The following TMEM132D variants were observed in gnomAD, a reference collection of about 807,000 sequenced individuals.
The protein encoded by TMEM132D is mature OL transmembrane protein.
Under a neutral mutation model 62.3 loss-of-function variants are expected in TMEM132D, and 21 were observed. That is an observed-to-expected ratio of 0.34 (90% CI 0.24 to 0.49). TMEM132D has a LOEUF of 0.49. Among genes scored for constraint, TMEM132D ranks in the 20% least tolerant of loss-of-function variants. The pLI, the probability that TMEM132D is intolerant of heterozygous loss-of-function variation, is 0.99. For synonymous variants in TMEM132D, 621 were observed against 575.6 expected, an observed-to-expected ratio of 1.08 and a Z score of -1.13; for missense variants, 1,346 against 1,402.8, an observed-to-expected ratio of 0.96 and a Z score of 0.65.
rs545267297 is a variant in TMEM132D, at chr12:129,738,475, G to C, written c.80-37777C>G. Among the ~76,000 whole-genome samples, 96 of 152,352 alleles carry C rather than the reference G, an allele frequency of 6.3e-4. 1 individual carries two copies. Among genetic ancestry groups the C allele is most frequent in the Admixed American group, 1.9e-3 (29 of 15,304 alleles). On this transcript the variant is annotated intron_variant, in intron 1 of 8. Transcript: ENST00000422113. ...GTGTGAATGCAACAACATACAGCAA[G>C]TCTTTGATGTGTAGCCTGAGTAAAG...
In TMEM132D at chr12:129,073,883, T is replaced by G; in HGVS notation, c.3292A>C (p.Asn1098His). The G allele has an allele frequency of 1.0e-5, 16 of 1,533,326 alleles. No individual in the cohort carries two copies. The highest frequency in any genetic ancestry group is 1.4e-5 in the Non-Finnish European group (16 of 1,142,172). The allele number at this position is 1,533,326 out of a possible 1,614,324, so 95.0% of individuals were successfully genotyped here. ...GTCTGTGTGTGTCTGGCTTACACAT[T>G]TTCATGTAACCTCTCCATGTAGTTG... is the stretch of plus-strand genomic sequence containing the variant. The part of the protein sequence containing the change: ...LHNYMERLHE[N>H]V Residue 1098 changes from asparagine (N) to histidine (H), a missense_variant, in exon 9 of 9, where the codon AAT becomes CAT. Physicochemically the swap from Asn to His is moderately conservative, Grantham distance 68. Coordinates refer to ENST00000422113, the MANE Select transcript of TMEM132D (RefSeq NM_133448.3).
chr12:129,236,094 T>G (rs1442882352), intron 4 of TMEM132D, among the ~76,000 whole-genome samples: 3 of 149,298 alleles, frequency 2.0e-5, no homozygotes, highest in Non-Finnish European at 4.4e-5. Context: ...AATTTTATTA[T>G]GATGCTATTT....
At chr12:129,220,576 T>G (rs561836495) in intron 4 of TMEM132D, among the ~76,000 whole-genome samples, 64 of 152,350 alleles carry the variant, frequency 4.2e-4, no homozygotes, top group Middle Eastern at 3.4e-3. Context: ...CAACATTCCA[T>G]GGCCTCGTGT....
chr12:129,500,121 C>T (rs1169491926), intron 3 of TMEM132D, among the ~76,000 whole-genome samples: 1 of 143,924 alleles, frequency 6.9e-6, no homozygotes, highest in Non-Finnish European at 1.5e-5. Context: ...TCCCCCACTT[C>T]AGTCGATTAC....
chr12:129,568,201 CT>C (rs1330017186), intron 2 of TMEM132D, among the ~76,000 whole-genome samples: 1 of 152,166 alleles, frequency 6.6e-6, no homozygotes, highest in Non-Finnish European at 1.5e-5. Flanking sequence ...GTCCAGTCTC[CT>C]TAAAGCCACC....
rs575674042 is a variant in TMEM132D, at chr12:129,456,474, T to C, written c.1115+74585A>G. Among the ~76,000 whole-genome samples the C allele has an allele frequency of 2.0e-5, 3 of 152,302 alleles. No homozygotes were observed. In the South Asian group the frequency reaches 6.2e-4, roughly 32 times the overall value. ...GACCAACCCAAATATCTTCACTTCT[T>C]TCTTACCGCTGACTTCCCAGTGTCT... is the stretch of plus-strand genomic sequence containing the variant. On this transcript the variant is annotated intron_variant, in intron 3 of 8. Transcript: ENST00000422113.
intron 7 of TMEM132D, among the ~76,000 whole-genome samples, chr12:129,080,113 G>A (rs540253206): frequency 6.6e-6 from 1 of 152,304 alleles, no homozygotes; most frequent in East Asian, 1.9e-4. Flanking sequence ...GAGGTTGCAA[G>A]CTCTCATCTA....
chr12:129,888,269 A>C (rs1874807770), intron 1 of TMEM132D, among the ~76,000 whole-genome samples: 1 of 152,242 alleles, frequency 6.6e-6, no homozygotes, highest in Non-Finnish European at 1.5e-5. Context: ...TCATTTACAC[A>C]AACACCCAAA....
At chr12:129,346,065 T>A (rs1287346969) in intron 3 of TMEM132D, among the ~76,000 whole-genome samples, 1 of 152,124 alleles carries the variant, frequency 6.6e-6, no homozygotes, top group Non-Finnish European at 1.5e-5. Flanking sequence ...ATCCATCTGG[T>A]CCTGGGCTTT....
chr12:129,557,971 T>G (rs1310785232), intron 2 of TMEM132D, among the ~76,000 whole-genome samples: 1 of 152,206 alleles, frequency 6.6e-6, no homozygotes, highest in Non-Finnish European at 1.5e-5. Flanking sequence ...ATAAACTATA[T>G]ATTTTAAAGA....
At chr12:129,469,258 T>A (rs1874020216) in intron 3 of TMEM132D, among the ~76,000 whole-genome samples, 1 of 152,140 alleles carries the variant, frequency 6.6e-6, no homozygotes, top group Non-Finnish European at 1.5e-5. Flanking sequence ...TGTCTTCCAT[T>A]TTTGGTTTTC....
chr12:129,515,433 C>T (rs1005847784), intron 3 of TMEM132D, among the ~76,000 whole-genome samples: 1 of 152,096 alleles, frequency 6.6e-6, no homozygotes, highest in Non-Finnish European at 1.5e-5. Context: ...CATTTCAAAC[C>T]CTTCTGGCCT....
At chr12:129,855,178 G>A (rs1342743841) in intron 1 of TMEM132D, among the ~76,000 whole-genome samples, 2 of 98,674 alleles carry the variant, frequency 2.0e-5, no homozygotes, top group African/African-American at 8.0e-5. Flanking sequence ...AGAGTCCGGG[G>A]GAACGGGATG....
chr12:129,372,964 A>C (rs1164294320), intron 3 of TMEM132D, among the ~76,000 whole-genome samples: 1 of 152,060 alleles, frequency 6.6e-6, no homozygotes, highest in Non-Finnish European at 1.5e-5. Flanking sequence ...GTTCCTGGGG[A>C]CTGCTGCTTT....
intron 1 of TMEM132D, among the ~76,000 whole-genome samples, chr12:129,813,351 C>T (rs750328763): frequency 5.9e-5 from 9 of 151,766 alleles, no homozygotes; most frequent in Non-Finnish European, 1.3e-4. Flanking sequence ...CATCCAATTT[C>T]CCTGCTTAAC....
chr12:129,091,449 G>A (rs369683411), intron 5 of TMEM132D, among the ~76,000 whole-genome samples: 3 of 148,160 alleles, frequency 2.0e-5, no homozygotes, highest in Admixed American at 1.3e-4. Context: ...TGGGCTCTGG[G>A]GACCTTACCT....
At chr12:129,794,313 G>A (rs945803898) in intron 1 of TMEM132D, among the ~76,000 whole-genome samples, 2 of 144,420 alleles carry the variant, frequency 1.4e-5, no homozygotes, top group Admixed American at 7.3e-5. Context: ...TGTTGGCCAG[G>A]TTGGTCTCAA....
chr12:129,277,007 A>T lies in TMEM132D; in HGVS notation c.1299+60627T>A, dbSNP rs1054140422. 6.6e-6 allele frequency among the ~76,000 whole-genome samples: 1 copy of T among 152,172 alleles called. No homozygotes were observed. The highest frequency in any genetic ancestry group is 2.4e-5 in the African/African-American group (1 of 41,448). The stretch of plus-strand genomic sequence containing the variant: ...ATCCTGCTGCCTAAAACTTCAAAGT[A>T]AGAAAGTAACCCAAGTCTTGGAGGA... On this transcript the variant is annotated intron_variant, in intron 4 of 8. Coordinates refer to ENST00000422113, the MANE Select transcript of TMEM132D (RefSeq NM_133448.3). The surrounding 1 kb of genome is among the most constrained non-coding windows in gnomAD (Gnocchi z 4.2).
chr12:129,650,349 G>A (rs368080117), intron 2 of TMEM132D, among the ~76,000 whole-genome samples: 7 of 152,076 alleles, frequency 4.6e-5, no homozygotes, highest in South Asian at 2.1e-4. Flanking sequence ...TGATTCAGAC[G>A]TTGTATTTTT....
Sources: allele counts gnomAD v4.1 joint callset (sites outside exome capture counted in the v4.1 genomes callset), GRCh38; gene constraint gnomAD v4.1.1; non-coding constraint Gnocchi (gnomAD v3.1); transcripts MANE v1.5; gene names NCBI Gene and HGNC (gene_info 2026-07-23, HGNC 2026-07-21).